The following PARN variants were observed in gnomAD, a reference collection of about 807,000 sequenced individuals.
PARN encodes the protein poly(A)-specific ribonuclease.
Under a neutral mutation model 102.8 loss-of-function variants are expected in PARN, and 71 were observed. That is an observed-to-expected ratio of 0.69 (90% confidence interval 0.57 to 0.84). PARN has a LOEUF of 0.84. PARN is among the 40% of genes least tolerant of loss of function. The probability of loss-of-function intolerance (pLI) is 0.00; values close to 1 mark genes in which losing one functional copy is unlikely to be tolerated. For missense variants in PARN, 782 were observed against 760.9 expected, an observed-to-expected ratio of 1.03 and a Z score of -0.33; for synonymous variants, 261 against 252.9, an observed-to-expected ratio of 1.03 and a Z score of -0.30.
intron 22 of PARN, among the ~76,000 whole-genome samples, chr16:14,479,908 C>T (rs1234810552): frequency 7.5e-6 from 1 of 134,088 alleles, no homozygotes; most frequent in Admixed American, 7.5e-5. Context: ...GTTAAAATTA[C>T]AAACCTTCTA....
chr16:14,534,874 G>A (rs2151677332), intron 21 of PARN, among the ~76,000 whole-genome samples: 1 of 133,584 alleles, frequency 7.5e-6, no homozygotes. Context: ...CACTCTTGTT[G>A]CCCAGGCTGG....
intron 22 of PARN, among the ~76,000 whole-genome samples, chr16:14,462,640 GAGAC>G (rs1962058790): frequency 6.7e-6 from 1 of 148,362 alleles, no homozygotes; most frequent in Non-Finnish European, 1.5e-5. Flanking sequence ...CCCAGATTGA[GAGAC>G]AGAGAGAGAA....
intron 13 of PARN, among the ~76,000 whole-genome samples, chr16:14,591,070 T>G (rs1446602302): frequency 1.3e-5 from 2 of 151,510 alleles, no homozygotes; most frequent in East Asian, 3.9e-4. Flanking sequence ...GACAAAAGAG[T>G]GAGACCTAGT....
intron 23 of PARN, among the ~76,000 whole-genome samples, chr16:14,443,165 T>C (rs779660554): frequency 2.8e-4 from 43 of 152,228 alleles, no homozygotes; most frequent in African/African-American, 9.7e-4. Flanking sequence ...CTCTGTCTAA[T>C]AGTATAAACC....
intron 21 of PARN, among the ~76,000 whole-genome samples, chr16:14,518,940 C>T (rs887003931): frequency 5.3e-5 from 8 of 152,058 alleles, no homozygotes; most frequent in Admixed American, 2.6e-4. Flanking sequence ...CTGTGCACCC[C>T]TAGAGATACA....
At chr16:14,559,660 T>C (rs1452341538) in intron 18 of PARN, among the ~76,000 whole-genome samples, 1 of 152,224 alleles carries the variant, frequency 6.6e-6, no homozygotes, top group African/African-American at 2.4e-5. Flanking sequence ...CTATTTTTTG[T>C]ACCCATAAAA....
intron 16 of PARN, among the ~76,000 whole-genome samples, chr16:14,584,035 T>C (rs1443564048): frequency 2.1e-4 from 32 of 152,190 alleles, no homozygotes; most frequent in Admixed American, 2.1e-3. Flanking sequence ...GCTTCAATAA[T>C]GTATGAAAGA....
At chr16:14,572,839 A>C (rs1474924024) in intron 18 of PARN, among the ~76,000 whole-genome samples, 1 of 152,032 alleles carries the variant, frequency 6.6e-6, no homozygotes, top group Non-Finnish European at 1.5e-5. Context: ...ACATTCTGCT[A>C]CCACCTCTAC....
chr16:14,440,422 G>T (rs908961146), intron 23 of PARN, among the ~76,000 whole-genome samples: 10 of 152,142 alleles, frequency 6.6e-5, no homozygotes, highest in Non-Finnish European at 1.2e-4. Flanking sequence ...AAATGGTGAC[G>T]CCACTTTGGA....
In PARN at chr16:14,449,100, C is replaced by T. The variant is rs571981090; in HGVS notation, c.1671-2019G>A. Among the ~76,000 whole-genome samples the T allele has an allele frequency of 1.0e-3, 157 of 152,198 alleles. 1 individual carries two copies. Among genetic ancestry groups the T allele is most frequent in the African/African-American group, 3.4e-3 (143 of 41,526 alleles). On this transcript the variant is annotated intron_variant, in intron 22 of 23. Transcript: ENST00000437198. ...AGGGGAAGAGGCCTAAAAATTCCTT[C>T]GCATTGTAAATTCAGGAACCTGGTA...
chr16:14,468,662 T>C (rs529957878), intron 22 of PARN, among the ~76,000 whole-genome samples: 93 of 152,272 alleles, frequency 6.1e-4, no homozygotes, highest in Admixed American at 1.4e-3. Context: ...CCCTACTCTA[T>C]TGGAAATGTA....
intron 14 of PARN, among the ~76,000 whole-genome samples, chr16:14,585,951 C>T (rs561911459): frequency 6.7e-6 from 1 of 149,636 alleles, no homozygotes; most frequent in South Asian, 2.1e-4. Flanking sequence ...TACTATATAC[C>T]TATTTGTATT....
At chr16:14,526,838 C>A (rs1025151680) in intron 21 of PARN, among the ~76,000 whole-genome samples, 8 of 152,148 alleles carry the variant, frequency 5.3e-5, no homozygotes, top group Admixed American at 5.2e-4. Flanking sequence ...CTGCAGCCAG[C>A]CCATTTTTGT....
intron 22 of PARN, among the ~76,000 whole-genome samples, chr16:14,449,071 C>T (rs1377439243): frequency 2.0e-5 from 3 of 152,024 alleles, no homozygotes; most frequent in Non-Finnish European, 4.4e-5. Context: ...TCTTCTATCA[C>T]GAAAGGGGAA....
chr16:14,501,893 AT>A (rs1192939419), intron 21 of PARN, among the ~76,000 whole-genome samples: 35 of 152,364 alleles, frequency 2.3e-4, no homozygotes, highest in Non-Finnish European at 5.9e-5. Flanking sequence ...GAGTGCAGGC[AT>A]AAATCACTGC....
At chr16:14,568,629 G>A (rs544541309) in intron 18 of PARN, among the ~76,000 whole-genome samples, 303 of 152,048 alleles carry the variant, frequency 2.0e-3, no homozygotes, top group Non-Finnish European at 3.7e-3. Context: ...CCGGGCGCTG[G>A]CAGGGCACGG....
chr16:14,524,901 G>C (rs566962837), intron 21 of PARN, among the ~76,000 whole-genome samples: 1 of 152,114 alleles, frequency 6.6e-6, no homozygotes, highest in Non-Finnish European at 1.5e-5. Flanking sequence ...TGTATATCAA[G>C]ATGAATCTCT....
intron 18 of PARN, among the ~76,000 whole-genome samples, chr16:14,576,952 T>C (rs536074099): frequency 2.0e-5 from 3 of 152,346 alleles, no homozygotes; most frequent in East Asian, 1.9e-4. Flanking sequence ...ATTTCCTCAA[T>C]AGTTGACTTG....
chr16:14,600,231 G>A (rs1049566058), intron 11 of PARN, among the ~76,000 whole-genome samples: 2 of 152,070 alleles, frequency 1.3e-5, no homozygotes, highest in African/African-American at 4.8e-5. Context: ...TCACTTCACC[G>A]ACTTCTTTAA....
Sources: gnomAD v4.1 joint callset for allele counts (sites outside exome capture counted in the v4.1 genomes callset) on GRCh38, gnomAD v4.1.1 for gene constraint, MANE v1.5 for transcripts, NCBI Gene and HGNC (gene_info 2026-07-23, HGNC 2026-07-21) for gene names.